The following RTTN variants were observed in gnomAD, a reference collection of about 807,000 sequenced individuals.
RTTN encodes the protein rotatin.
In RTTN, 182 loss-of-function variants were observed where a neutral mutation model predicts 269.2. The ratio of observed to expected loss-of-function variants is 0.68; its 90% CI spans 0.60 to 0.76. The LOEUF (loss-of-function observed/expected upper bound fraction) is 0.76. Ranked by LOEUF, RTTN falls within the 30% of genes least tolerant of loss-of-function variation. RTTN has a pLI of 0.00. For missense variants in RTTN, 2,545 were observed against 2,608.6 expected (o/e 0.98, Z 0.53); for synonymous variants, 1,006 against 963.5 (o/e 1.04, Z -0.82).
At chr18:70,095,846 G>C (rs2058988951) in intron 28 of RTTN, among the ~76,000 whole-genome samples, 1 of 152,160 alleles carries the variant, frequency 6.6e-6, no homozygotes, top group Non-Finnish European at 1.5e-5. Context: ...GGCCTGTCTT[G>C]ATAGGTTGGG....
At chr18:70,134,754 G>T (rs1677931965) in intron 22 of RTTN, among the ~76,000 whole-genome samples, 1 of 152,084 alleles carries the variant, frequency 6.6e-6, no homozygotes, top group Non-Finnish European at 1.5e-5. Flanking sequence ...CATAACAAAT[G>T]ATTCATACAA....
chr18:70,167,624 G>A (rs1345546975), intron 12 of RTTN, among the ~76,000 whole-genome samples: 2 of 151,836 alleles, frequency 1.3e-5, no homozygotes, highest in Non-Finnish European at 2.9e-5. Flanking sequence ...TTGAGAGGCT[G>A]AGGCGGGAGG....
intron 42 of RTTN, 90 bp from the exon 43 acceptor site, chr18:70,028,891 G>T: frequency 1.2e-6 from 1 of 820,036 alleles, no homozygotes; most frequent in Non-Finnish European, 2.0e-6. Context: ...TGGGTCACGG[G>T]ACAATGCAGG....
intron 38 of RTTN, chr18:70,053,347 C>A (rs2057729053): frequency 6.6e-6 from 1 of 152,200 alleles, no homozygotes; most frequent in African/African-American, 2.4e-5. Context: ...GGTGATATCA[C>A]CTTGTTGAGC....
chr18:70,137,041 C>G (rs531741749), intron 21 of RTTN, among the ~76,000 whole-genome samples: 1 of 152,122 alleles, frequency 6.6e-6, no homozygotes, highest in South Asian at 2.1e-4. Flanking sequence ...TAGAAAAAAT[C>G]ATTCGGAAAA....
intron 35 of RTTN, among the ~76,000 whole-genome samples, chr18:70,065,271 A>T (rs1003229570): frequency 5.4e-4 from 8 of 14,904 alleles, no homozygotes; most frequent in African/African-American, 5.8e-4. Flanking sequence ...TCTAGAATTT[A>T]AAAAAAAAAA....
Position 70,004,161 on chromosome 18 carries a change from T to C in RTTN, c.6671A>G (p.Asn2224Ser), listed in dbSNP as rs370989883. Residue 2224 changes from asparagine (N) to serine (S), a missense_variant, in exon 49 of 49, where the codon AAT (asparagine) becomes AGT (serine). Coordinates refer to ENST00000640769, the MANE Select transcript of RTTN (RefSeq NM_173630.4). ...AGCATCCCATGGCACTCAGGAAGAA[T>C]TAAGGAGCTGCACGAGGTTTTCAAG... ...KCLENLVQLL[N>S]SS The C allele has an allele frequency of 6.2e-7, 1 of 1,612,888 alleles. No homozygotes were observed.
intron 10 of RTTN, among the ~76,000 whole-genome samples, chr18:70,180,750 A>G (rs112813183): frequency 7.8e-4 from 119 of 152,314 alleles, no homozygotes; most frequent in African/African-American, 2.5e-3. Context: ...CAGGGTCATG[A>G]TAATTAAATG....
intron 6 of RTTN, 50 bp downstream of exon 6, chr18:70,197,574 G>T: frequency 8.1e-7 from 1 of 1,230,860 alleles, no homozygotes; most frequent in Non-Finnish European, 1.2e-6. Flanking sequence ...TTGCTTTATT[G>T]CAAAAAGTTC....
intron 8 of RTTN, among the ~76,000 whole-genome samples, chr18:70,191,220 A>G (rs1043161003): frequency 2.0e-5 from 3 of 152,126 alleles, no homozygotes; most frequent in Non-Finnish European, 2.9e-5. Flanking sequence ...TCTAAATTGT[A>G]AATGAAGCCA....
At position 70,176,850 on chromosome 18, in the gene RTTN, A is replaced by G. The variant is rs1165769657; in HGVS notation, c.1306-5T>C. Reference sequence around the variant, plus strand: ...CACCAGGAGTAGTTTCTCCTTCTGAAAACATTTACACAACATGAAACAGAA... The same window carrying G: ...CACCAGGAGTAGTTTCTCCTTCTGAGAACATTTACACAACATGAAACAGAA... On this transcript the variant is annotated splice_polypyrimidine_tract_variant and splice_region_variant and intron_variant, in intron 10 of 48. Coordinates refer to ENST00000640769, the MANE Select transcript of RTTN (RefSeq NM_173630.4). 3.1e-6 allele frequency: 5 copies of G among 1,612,346 alleles called. No individual in the cohort carries two copies. The highest frequency in any genetic ancestry group is 4.2e-6 in the Non-Finnish European group (5 of 1,179,042).
intron 32 of RTTN, among the ~76,000 whole-genome samples, chr18:70,083,117 G>A (rs10871664): frequency 0.73 from 110,281 of 152,028 alleles, 46,727 homozygotes; most frequent in East Asian, 1. Flanking sequence ...TGACACAGCA[G>A]GAACTGGGTT....
chr18:70,176,551 C>G (rs1047520531), intron 11 of RTTN, 124 bp downstream of exon 11: 1 of 778,752 alleles, frequency 1.3e-6, no homozygotes, highest in African/African-American at 1.8e-5. Context: ...ACCTGTTACA[C>G]TTATTTTGAA....
intron 28 of RTTN, among the ~76,000 whole-genome samples, chr18:70,102,071 GTTC>G (rs2059183029): frequency 1.3e-5 from 2 of 152,330 alleles, no homozygotes; most frequent in South Asian, 4.1e-4. Flanking sequence ...GGGGTGGAGA[GTTC>G]TGTAGATGCC....
intron 34 of RTTN, among the ~76,000 whole-genome samples, chr18:70,072,410 T>C (rs1599389407): frequency 1.3e-5 from 2 of 152,126 alleles, no homozygotes. Flanking sequence ...GACCTTCACT[T>C]TAATTGGGGT....
At chr18:70,133,208 T>A (rs2060040178) in intron 23 of RTTN, among the ~76,000 whole-genome samples, 1 of 152,162 alleles carries the variant, frequency 6.6e-6, no homozygotes, top group Non-Finnish European at 1.5e-5. Flanking sequence ...GATCTCATTC[T>A]AAGCATGACT....
chr18:70,065,733 A>C, intron 35 of RTTN, 96 bp downstream of exon 35: 1 of 676,660 alleles, frequency 1.5e-6, no homozygotes, highest in South Asian at 2.9e-5. Flanking sequence ...TATTTCATTA[A>C]AATTTTGTTC....
rs151053942 is a variant in RTTN at position 70,062,295 on chromosome 18, T to C, written c.4748-2253A>G. ...ATACATGGTTATAAAAGTCAACCTATACAAGAAGATACATGCAGAGAAGGG... is the reference window on the plus strand; with the variant it reads ...ATACATGGTTATAAAAGTCAACCTACACAAGAAGATACATGCAGAGAAGGG... On this transcript the variant is annotated intron_variant, in intron 35 of 48. Coordinates refer to ENST00000640769, the MANE Select transcript of RTTN (RefSeq NM_173630.4). 2.8e-3 allele frequency among the ~76,000 whole-genome samples: 419 copies of C among 152,308 alleles called. 3 individuals carry two copies. Among genetic ancestry groups the C allele is most frequent in the African/African-American group, 9.6e-3 (401 of 41,556 alleles).
At chr18:70,202,708 A>G (rs938479594) in intron 3 of RTTN, among the ~76,000 whole-genome samples, 1 of 152,256 alleles carries the variant, frequency 6.6e-6, no homozygotes, top group Non-Finnish European at 1.5e-5. Flanking sequence ...CATCTGCTAC[A>G]GGTTAGAAAA....
Sources: allele counts gnomAD v4.1 joint callset (sites outside exome capture counted in the v4.1 genomes callset), GRCh38; gene constraint gnomAD v4.1.1; transcripts MANE v1.5; gene names NCBI Gene and HGNC (gene_info 2026-07-23, HGNC 2026-07-21).